Variants in SMG1 observed in about 807,000 individuals in gnomAD.
SMG1 encodes the protein serine/threonine-protein kinase SMG1.
SMG1 carries 22 observed loss-of-function variants against 419.9 expected under a neutral mutation model. The ratio of observed to expected loss-of-function variants is 0.05; its 90% CI spans 0.04 to 0.07. The LOEUF is 0.07. Among genes scored for constraint, SMG1 ranks in the 10% least tolerant of loss-of-function variants. The pLI, the probability that SMG1 is intolerant of heterozygous loss-of-function variation, is 1.00. For missense variants in SMG1, 3,185 were observed against 4,342.0 expected (o/e 0.73, Z 7.49); for synonymous variants, 1,538 against 1,553.5 (o/e 0.99, Z 0.23).
chr16:18,835,275 C>T, intron 48 of SMG1, 111 bp from the exon 49 acceptor site: 2 of 1,132,372 alleles, frequency 1.8e-6, no homozygotes, highest in South Asian at 3.2e-5. Flanking sequence ...TCATTATTTA[C>T]ATTTTACAGA....
At chr16:18,867,622 G>A (rs1596552558) in intron 22 of SMG1, among the ~76,000 whole-genome samples, 1 of 150,526 alleles carries the variant, frequency 6.6e-6, no homozygotes, top group East Asian at 1.9e-4. Context: ...AACTTTGCAC[G>A]TAAGAAATAT....
chr16:18,811,989 C>T lies in SMG1; in HGVS notation c.10760G>A (p.Cys3587Tyr). 1 of 1,613,982 alleles carries T rather than the reference C, an allele frequency of 6.2e-7. No homozygotes were observed. Among genetic ancestry groups the T allele is most frequent in the Non-Finnish European group, 8.5e-7 (1 of 1,179,862 alleles). The change falls in exon 61 of 63, where the codon TGT (cysteine) becomes TAT (tyrosine). Residue 3587 changes from cysteine to tyrosine, a missense_variant. Transcript: ENST00000446231. ...TVPGTGKSVA[C>Y]SPKKAVRDPK... is the part of the protein sequence containing the mutation. The stretch of plus-strand genomic sequence containing the variant: ...GTCTCTGACTGCCTTTTTAGGACTA[C>T]AAGCAACACTCTTGCCAGTTCCTGG...
intron 1 of SMG1, among the ~76,000 whole-genome samples, chr16:18,916,656 T>C (rs1286906397): frequency 6.6e-6 from 1 of 150,680 alleles, no homozygotes; most frequent in Non-Finnish European, 1.5e-5. Flanking sequence ...GCATTTCCCA[T>C]ACATATGAAA....
intron 11 of SMG1, 97 bp from the exon 12 acceptor site, chr16:18,877,329 A>G: frequency 1.2e-6 from 1 of 837,964 alleles, no homozygotes; most frequent in Non-Finnish European, 1.8e-6. Flanking sequence ...AAGCCAATTG[A>G]AAAGGCTACA....
At chr16:18,848,238 G>A (rs2034379449) in intron 36 of SMG1, among the ~76,000 whole-genome samples, 1 of 151,934 alleles carries the variant, frequency 6.6e-6, no homozygotes, top group South Asian at 2.1e-4. Flanking sequence ...ATAAGCTAAT[G>A]GAAGATACAA....
intron 40 of SMG1, 145 bp from the exon 41 acceptor site, chr16:18,841,939 C>A: frequency 1.0e-5 from 8 of 767,696 alleles, no homozygotes; most frequent in Non-Finnish European, 1.5e-5. Context: ...TATTTTGGGA[C>A]AAGATATTGG....
rs1407156467 is a variant in SMG1, at chr16:18,829,297, C to T, written c.9592G>A (p.Ala3198Thr). Reference sequence around the variant, plus strand: ...ACAAAAACACTTACCTGAAACATGGCAATATGCAGCTGAACCCGCTGCAGG... The same window carrying T: ...ACAAAAACACTTACCTGAAACATGGTAATATGCAGCTGAACCCGCTGCAGG... ...TSLQRVQLHI[A>T]MFQWQHEDLL... The change falls in exon 54 of 63, where the codon GCC becomes ACC. Residue 3198 changes from alanine (A) to threonine (T), a missense_variant. Physicochemically the swap from Ala to Thr is moderately conservative, Grantham distance 58 (BLOSUM62 0). Transcript: ENST00000446231. 6.2e-7 allele frequency: 1 copy of T among 1,611,020 alleles called. No individual in the cohort carries two copies. The highest frequency in any genetic ancestry group is 1.7e-4 in the Middle Eastern group (1 of 6,050).
At chr16:18,881,217 C>T (rs927382090) in intron 10 of SMG1, among the ~76,000 whole-genome samples, 1 of 151,466 alleles carries the variant, frequency 6.6e-6, no homozygotes, top group African/African-American at 2.4e-5. Flanking sequence ...TACACCTATC[C>T]TATAAATTAT....
chr16:18,906,862 T>C (rs1369918224), intron 1 of SMG1, among the ~76,000 whole-genome samples: 1 of 152,198 alleles, frequency 6.6e-6, no homozygotes, highest in East Asian at 1.9e-4. Context: ...AAATCCAAGA[T>C]ACAGTTCAGG....
rs1309549032 is a variant in SMG1, at chr16:18,884,498, G to T, written c.1022-331C>A. Among the ~76,000 whole-genome samples the T allele has an allele frequency of 5.3e-5, 8 of 152,120 alleles. 1 individual carries two copies. The Middle Eastern group carries it at 0.014, about 259-fold the overall frequency. ...CTACCATTGGCCCAGCTAATCCCAG[G>T]GCCACATCTAACCATTAAAGGTGTA... On this transcript the variant is annotated intron_variant, in intron 8 of 62. Transcript: ENST00000446231.
At chr16:18,902,388 T>C (rs2037382209) in intron 1 of SMG1, among the ~76,000 whole-genome samples, 1 of 152,116 alleles carries the variant, frequency 6.6e-6, no homozygotes, top group Admixed American at 6.6e-5. Flanking sequence ...TAGTGAGTCC[T>C]CCTGGCAAAT....
intron 38 of SMG1, among the ~76,000 whole-genome samples, chr16:18,845,961 G>A (rs1211227110): frequency 6.6e-6 from 1 of 151,752 alleles, no homozygotes; most frequent in Non-Finnish European, 1.5e-5. Context: ...GACTACACAC[G>A]CGCGACACCA....
chr16:18,874,676 G>A (rs993278322), intron 13 of SMG1, among the ~76,000 whole-genome samples: 24 of 147,610 alleles, frequency 1.6e-4, no homozygotes, highest in African/African-American at 5.2e-4. Context: ...GACCAGCCTG[G>A]CCAACATGGT....
At position 18,868,632 on chromosome 16, in the gene SMG1, C is replaced by T; in HGVS notation, c.2921G>A (p.Gly974Asp). Reference sequence around the variant, plus strand: ...AAGAACAAGTCTAAGTTGGTTGTTACCATGGCCTTCATCATTGTCTGCAGT... The same window carrying T: ...AAGAACAAGTCTAAGTTGGTTGTTATCATGGCCTTCATCATTGTCTGCAGT... ...WTTADNDEGH[G>D]NNQLRLVLLL... The change falls in exon 21 of 63, where the codon GGT becomes GAT. Residue 974 changes from glycine to aspartate, a missense_variant. Gly to Asp is a moderately conservative substitution (Grantham distance 94). Transcript: ENST00000446231. 1.9e-6 allele frequency: 3 copies of T among 1,581,800 alleles called. No homozygotes were observed. The highest frequency in any genetic ancestry group is 2.6e-6 in the Non-Finnish European group (3 of 1,165,614).
intron 6 of SMG1, among the ~76,000 whole-genome samples, chr16:18,888,841 G>A (rs903512356): frequency 0.012 from 469 of 38,798 alleles, 3 homozygotes; most frequent in African/African-American, 0.038. Context: ...TTTTTTTTTT[G>A]AGACACAGTC....
At chr16:18,828,486 G>A (rs1380434173) in intron 54 of SMG1, among the ~76,000 whole-genome samples, 3 of 151,890 alleles carry the variant, frequency 2.0e-5, no homozygotes. Flanking sequence ...ATATACCCAA[G>A]TCTCATTTGA....
intron 3 of SMG1, among the ~76,000 whole-genome samples, chr16:18,893,536 G>A (rs1384654333): frequency 6.6e-6 from 1 of 151,878 alleles, no homozygotes; most frequent in Admixed American, 6.6e-5. Context: ...GAGGTGGGAG[G>A]ATCGCTTTAG....
chr16:18,819,662 A>G lies in SMG1; in HGVS notation c.9742-8T>C. ...AAGTGCAGCTAGCTTCTCCTATAAA[A>G]GCCAGCAGAATCTTGGTGAAGGTAT... On this transcript the variant is annotated splice_region_variant and splice_polypyrimidine_tract_variant and intron_variant, in intron 55 of 62. Coordinates refer to ENST00000446231, the MANE Select transcript of SMG1 (RefSeq NM_015092.5). 1 of 1,544,940 alleles carries G rather than the reference A, an allele frequency of 6.5e-7. No homozygotes were observed. The highest frequency in any genetic ancestry group is 2.1e-5 in the Admixed American group (1 of 47,942).
intron 18 of SMG1, 114 bp downstream of exon 18, chr16:18,870,496 C>T (rs1385172250): frequency 1.5e-6 from 1 of 679,078 alleles, no homozygotes; most frequent in Non-Finnish European, 2.5e-6. Context: ...CAAACAGGGC[C>T]ATAAAAGATG....
Sources: allele counts gnomAD v4.1 joint callset (sites outside exome capture counted in the v4.1 genomes callset), GRCh38; gene constraint gnomAD v4.1.1; transcripts MANE v1.5; gene names NCBI Gene and HGNC (gene_info 2026-07-23, HGNC 2026-07-21).